Variants in CNTN5 observed in about 807,000 individuals in gnomAD.
CNTN5 encodes contactin 5, also known as contactin-5.
CNTN5 carries 77 observed loss-of-function variants against 129.1 expected under a neutral mutation model. The observed-to-expected ratio is 0.60, with a 90% CI of 0.50 to 0.72. CNTN5 has a LOEUF of 0.72. CNTN5 is among the 30% of genes least tolerant of loss of function. The pLI, the probability that CNTN5 is intolerant of heterozygous loss-of-function variation, is 0.00. For synonymous variants in CNTN5, 509 were observed against 465.6 expected, an observed-to-expected ratio of 1.09 and a Z score of -1.20; for missense variants, 1,478 against 1,328.8, an observed-to-expected ratio of 1.11 and a Z score of -1.75.
intron 16 of CNTN5, among the ~76,000 whole-genome samples, chr11:100,253,692 C>G (rs1171343843): frequency 6.6e-6 from 1 of 152,138 alleles, no homozygotes; most frequent in African/African-American, 2.4e-5. Flanking sequence ...TCTTCAACAC[C>G]TGGATCTCAT....
At chr11:100,349,521 T>C (rs1452162640) in intron 23 of CNTN5, among the ~76,000 whole-genome samples, 1 of 151,866 alleles carries the variant, frequency 6.6e-6, no homozygotes, top group Non-Finnish European at 1.5e-5. Context: ...ATCATCTCTA[T>C]CATACAGTAG....
intron 3 of CNTN5, among the ~76,000 whole-genome samples, chr11:99,610,610 C>T (rs372716985): frequency 4.6e-5 from 7 of 152,038 alleles, no homozygotes; most frequent in Non-Finnish European, 8.8e-5. Context: ...GAAAGCAAAA[C>T]GTAGTTTCAG....
In CNTN5 at chr11:100,191,213, C is replaced by G; in HGVS notation, c.1668C>G (p.Val556=). The change falls in exon 14 of 25, where the codon GTC becomes GTG. Residue 556 remains valine, a synonymous_variant. Transcript: ENST00000524871. ...EGKYVCRGEN[V]FGSAEIIASL... Reference sequence around the variant, plus strand: ...AGTACGTTTGCCGAGGGGAAAACGTCTTTGGTTCTGCTGAAATTATAGCTT... The same window carrying G: ...AGTACGTTTGCCGAGGGGAAAACGTGTTTGGTTCTGCTGAAATTATAGCTT... 6.2e-7 allele frequency: 1 copy of G among 1,612,626 alleles called. No individual in the cohort carries two copies. Among genetic ancestry groups the G allele is most frequent in the Non-Finnish European group, 8.5e-7 (1 of 1,179,088 alleles).
chr11:99,404,905 G>A (rs1030120929), intron 2 of CNTN5, among the ~76,000 whole-genome samples: 2 of 152,212 alleles, frequency 1.3e-5, no homozygotes. Context: ...GGACAGGTCT[G>A]GTGTTGATGA....
chr11:99,882,571 A>T (rs1948798592), intron 6 of CNTN5, among the ~76,000 whole-genome samples: 1 of 152,072 alleles, frequency 6.6e-6, no homozygotes, highest in African/African-American at 2.4e-5. Flanking sequence ...TTTTAATTTA[A>T]TTTTTGTGGG....
chr11:99,975,185 A>C (rs927111258), intron 8 of CNTN5, among the ~76,000 whole-genome samples: 6 of 152,236 alleles, frequency 3.9e-5, no homozygotes, highest in African/African-American at 1.4e-4. Flanking sequence ...TTTTACAAAA[A>C]ACATAAGAAC....
At chr11:99,840,155 C>A (rs1229117283) in intron 4 of CNTN5, among the ~76,000 whole-genome samples, 2 of 152,090 alleles carry the variant, frequency 1.3e-5, no homozygotes, top group African/African-American at 4.8e-5. Flanking sequence ...TGGTAATGTC[C>A]ATTGTTACCA....
intron 3 of CNTN5, among the ~76,000 whole-genome samples, chr11:99,589,480 A>C (rs1240888323): frequency 2.0e-5 from 3 of 152,358 alleles, no homozygotes; most frequent in South Asian, 4.1e-4. Flanking sequence ...ATGTATATTT[A>C]GAATATGAAA....
chr11:99,290,938 A>T (rs1315812491), intron 1 of CNTN5, among the ~76,000 whole-genome samples: 1 of 151,802 alleles, frequency 6.6e-6, no homozygotes, highest in Non-Finnish European at 1.5e-5. Context: ...ACTGTACTGT[A>T]CTTGATATTC....
intron 2 of CNTN5, among the ~76,000 whole-genome samples, chr11:99,421,408 T>G (rs1942883650): frequency 6.6e-6 from 1 of 152,136 alleles, no homozygotes; most frequent in African/African-American, 2.4e-5. Context: ...CTGTACATCC[T>G]TGTTGTAGAA....
chr11:99,169,087 G>C (rs967240157), intron 1 of CNTN5, among the ~76,000 whole-genome samples: 1 of 152,148 alleles, frequency 6.6e-6, no homozygotes, highest in East Asian at 1.9e-4. Context: ...GGTTAATTAA[G>C]GAGTGAAATA....
intron 1 of CNTN5, among the ~76,000 whole-genome samples, chr11:99,050,633 T>C (rs1864388952): frequency 6.6e-6 from 1 of 151,734 alleles, no homozygotes. Flanking sequence ...AAAAATAAAC[T>C]CTTTAATGGT....
intron 1 of CNTN5, among the ~76,000 whole-genome samples, chr11:99,052,705 C>T (rs1864475886): frequency 6.6e-6 from 1 of 151,768 alleles, no homozygotes; most frequent in Non-Finnish European, 1.5e-5. Flanking sequence ...CTCTGAAAGA[C>T]ATCTAGTGGT....
At chr11:99,279,334 A>C (rs772577223) in intron 1 of CNTN5, among the ~76,000 whole-genome samples, 7 of 151,826 alleles carry the variant, frequency 4.6e-5, no homozygotes, top group Non-Finnish European at 1.0e-4. Flanking sequence ...TTAGAAACTT[A>C]GGTTGCTAGA....
At position 99,665,137 on chromosome 11, in the gene CNTN5, A is replaced by G. The variant is rs574095817; in HGVS notation, c.55+108868A>G. Among the ~76,000 whole-genome samples, 3 of 152,328 alleles carry G rather than the reference A, an allele frequency of 2.0e-5. No homozygotes were observed. In the South Asian group the frequency reaches 6.2e-4, roughly 32 times the overall value. Reference sequence around the variant, plus strand: ...TAAAAATGTGAATAATAGGAAGAAAACTTTTATTTTCAAATCAAGAAACTA... The same window carrying G: ...TAAAAATGTGAATAATAGGAAGAAAGCTTTTATTTTCAAATCAAGAAACTA... On this transcript the variant is annotated intron_variant, in intron 3 of 24. Coordinates refer to ENST00000524871, the MANE Select transcript of CNTN5 (RefSeq NM_014361.4).
chr11:100,152,170 T>TTG (rs1196982142), intron 13 of CNTN5, among the ~76,000 whole-genome samples: 5 of 152,160 alleles, frequency 3.3e-5, no homozygotes. Flanking sequence ...AGCGACTCAT[T>TTG]TGTCTCCTTT....
chr11:99,081,487 A>G (rs12295001), intron 1 of CNTN5, among the ~76,000 whole-genome samples: 11,153 of 152,230 alleles, frequency 0.073, 633 homozygotes, highest in African/African-American at 0.16. Flanking sequence ...TCTGTAACTT[A>G]GGAGAAAAAA....
chr11:99,209,444 G>A (rs1366665230), intron 1 of CNTN5, among the ~76,000 whole-genome samples: 1 of 150,158 alleles, frequency 6.7e-6, no homozygotes, highest in Non-Finnish European at 1.5e-5. Context: ...GAGAGAGAGG[G>A]GAAAGGTGCC....
intron 21 of CNTN5, chr11:100,337,101 A>G: frequency 7.3e-7 from 1 of 1,373,212 alleles, no homozygotes; most frequent in Non-Finnish European, 1.0e-6. Context: ...TCAGACATGC[A>G]GAGAAGACTT....
Sources: allele counts gnomAD v4.1 joint callset (sites outside exome capture counted in the v4.1 genomes callset), GRCh38; gene constraint gnomAD v4.1.1; transcripts MANE v1.5; gene names NCBI Gene and HGNC (gene_info 2026-07-23, HGNC 2026-07-21).